The following AKT2 variants were observed in gnomAD, a reference collection of about 807,000 sequenced individuals.
The protein encoded by AKT2 is AKT serine/threonine kinase 2, also known as RAC-beta serine/threonine-protein kinase.
A neutral mutation model predicts 58.6 loss-of-function variants in AKT2; 16 were observed. That is an observed-to-expected ratio of 0.27 (90% CI 0.18 to 0.41). The LOEUF (loss-of-function observed/expected upper bound fraction) is 0.41, where lower values mean the gene tolerates loss of function less well. Among genes scored for constraint, AKT2 ranks in the 10% least tolerant of loss-of-function variants. The pLI is 1.00. For missense variants in AKT2, 438 were observed against 661.0 expected (o/e 0.66, Z 3.70); for synonymous variants, 253 against 254.0 (o/e 1.00, Z 0.04).
Position 40,238,122 on chromosome 19 carries a change from C to T in AKT2, c.709-31G>A. The T allele has an allele frequency of 3.2e-6, 5 of 1,570,474 alleles. No individual in the cohort carries two copies. Among genetic ancestry groups the T allele is most frequent in the Non-Finnish European group, 4.3e-6 (5 of 1,158,326 alleles). On this transcript the variant is annotated intron_variant, in intron 8 of 13. Transcript: ENST00000392038. This position sits in a 1 kb window ranked among gnomAD's most constrained non-coding sequence, Gnocchi z 5.1. ...GGAGGAAGGGGTGGGGAGAGGAGGT[C>T]AGGCCCCAGCCCACCCACCTGCCCT...
At chr19:40,262,439 C>T (rs1976032026) in intron 2 of AKT2, among the ~76,000 whole-genome samples, 1 of 152,202 alleles carries the variant, frequency 6.6e-6, no homozygotes, top group African/African-American at 2.4e-5. Context: ...TCTAAACCGG[C>T]AGATGGAGCC....
At chr19:40,245,367 C>T (rs1275585407) in intron 4 of AKT2, among the ~76,000 whole-genome samples, 4 of 152,242 alleles carry the variant, frequency 2.6e-5, no homozygotes, top group South Asian at 2.1e-4. Context: ...AAGAAGACCA[C>T]GCCTTTATAA....
chr19:40,260,626 CT>C (rs1568554936), intron 2 of AKT2, among the ~76,000 whole-genome samples: 1 of 37,480 alleles, frequency 2.7e-5, no homozygotes, highest in South Asian at 1.1e-3. Flanking sequence ...GAGATTCCAT[CT>C]CAAAAAAAAA....
At chr19:40,263,333 C>T (rs760482663) in intron 2 of AKT2, among the ~76,000 whole-genome samples, 5 of 152,232 alleles carry the variant, frequency 3.3e-5, no homozygotes, top group African/African-American at 4.8e-5. Context: ...CAACCATTTA[C>T]TGAGTGCCTA....
At chr19:40,255,941 G>A (rs1310866360) in intron 3 of AKT2, among the ~76,000 whole-genome samples, 1 of 152,146 alleles carries the variant, frequency 6.6e-6, no homozygotes, top group Non-Finnish European at 1.5e-5. Context: ...GGGAGGATGG[G>A]GCCACACCAG....
chr19:40,235,508 C>T lies in AKT2; in HGVS notation c.1176-158G>A, dbSNP rs763437298. 821 of 756,292 alleles carry T rather than the reference C, an allele frequency of 1.1e-3. 7 individuals carry two copies. Among genetic ancestry groups the T allele is most frequent in the Non-Finnish European group, 2.2e-4 (96 of 442,638 alleles). The allele number at this position is 756,292 out of a possible 1,614,324, so 46.8% of individuals were successfully genotyped here. On this transcript the variant is annotated intron_variant, in intron 11 of 13. Transcript: ENST00000392038. The surrounding 1 kb of genome is among the most constrained non-coding windows in gnomAD (Gnocchi z 6.3). The stretch of plus-strand genomic sequence containing the variant: ...AACCGAGGCTCAGGGAGGGAGCTCA[C>T]GTGCCCAGGGTCAGAGCCAGGGAGT...
Position 40,258,259 on chromosome 19 carries a change from A to C in AKT2, c.47-1205T>G, listed in dbSNP as rs983655891. On this transcript the variant is annotated intron_variant, in intron 2 of 13. Coordinates refer to ENST00000392038, the MANE Select transcript of AKT2 (RefSeq NM_001626.6). ...AACTCCGTCTCGAAAAAAAAAAAAA[A>C]AAAACAAAAAAAAAAACCTGAGTAT... 1.1e-3 allele frequency among the ~76,000 whole-genome samples: 159 copies of C among 151,246 alleles called. 1 individual carries two copies. Among genetic ancestry groups the C allele is most frequent in the Non-Finnish European group, 1.9e-3 (128 of 67,868 alleles).
At position 40,235,774 on chromosome 19, in the gene AKT2, G is replaced by T. The variant is rs1486212338; in HGVS notation, c.1175+116C>A. ...GTGGACGTTTTCAGGGGCTGTGTGG[G>T]GACGACACACTGCGACCCTACAAGC... On this transcript the variant is annotated intron_variant, in intron 11 of 13. Coordinates refer to ENST00000392038, the MANE Select transcript of AKT2 (RefSeq NM_001626.6). The surrounding 1 kb of genome is among the most constrained non-coding windows in gnomAD (Gnocchi z 6.3). The T allele has an allele frequency of 2.1e-5, 23 of 1,104,296 alleles. No homozygotes were observed. Among genetic ancestry groups the T allele is most frequent in the Non-Finnish European group, 2.8e-5 (22 of 785,534 alleles). 68.4% of individuals were successfully genotyped at this position (1,104,296 alleles called of 1,614,324 possible).
At chr19:40,275,641 G>A (rs1416284966) in intron 1 of AKT2, among the ~76,000 whole-genome samples, 1 of 151,904 alleles carries the variant, frequency 6.6e-6, no homozygotes, top group Non-Finnish European at 1.5e-5. Context: ...TTTGAATGAT[G>A]GCTAGTGCAA....
At chr19:40,262,286 C>A (rs1336954033) in intron 2 of AKT2, among the ~76,000 whole-genome samples, 1 of 151,670 alleles carries the variant, frequency 6.6e-6, no homozygotes, top group African/African-American at 2.4e-5. Flanking sequence ...GGAAAAATAT[C>A]CTCACAATTG....
rs73933226 is a variant in AKT2 at position 40,233,022 on chromosome 19, C to T, written c.*850G>A. The T allele has an allele frequency of 4.2e-4, 99 of 234,542 alleles. 1 individual carries two copies. Among genetic ancestry groups the T allele is most frequent in the African/African-American group, 2.0e-3 (91 of 45,450 alleles). The allele number at this position is 234,542 out of a possible 1,614,324, so 14.5% of individuals were successfully genotyped here. ...GCCAAGGCTGGTGGCCCTCCACCCCCGCAGAGGAGAGGGTGAGCCCAGCCC... is the reference window on the plus strand; with the variant it reads ...GCCAAGGCTGGTGGCCCTCCACCCCTGCAGAGGAGAGGGTGAGCCCAGCCC... On this transcript the variant is annotated 3_prime_UTR_variant, in exon 14 of 14. Coordinates refer to ENST00000392038, the MANE Select transcript of AKT2 (RefSeq NM_001626.6). The surrounding 1 kb of genome is among the most constrained non-coding windows in gnomAD (Gnocchi z 4.3).
In AKT2 at chr19:40,234,560, A is replaced by T; in HGVS notation, c.1366+485T>A. 1 of 352,126 alleles carries T rather than the reference A, an allele frequency of 2.8e-6. No individual in the cohort carries two copies. The highest frequency in any genetic ancestry group is 6.8e-5 in the South Asian group (1 of 14,802). 21.8% of individuals were successfully genotyped at this position (352,126 alleles called of 1,614,324 possible). A position where few individuals can be genotyped will look rare whatever the true frequency, so the allele number is the denominator to read the frequency against. On this transcript the variant is annotated intron_variant, in intron 13 of 13. Coordinates refer to ENST00000392038, the MANE Select transcript of AKT2 (RefSeq NM_001626.6). This position sits in a 1 kb window ranked among gnomAD's most constrained non-coding sequence, Gnocchi z 4.7. ...GACACGTTTGCTTCCTCCTCTAGAAAGCCCTCCCTAACTGCAGGCCAGGTC... is the reference window on the plus strand; with the variant it reads ...GACACGTTTGCTTCCTCCTCTAGAATGCCCTCCCTAACTGCAGGCCAGGTC...
rs1268739732 is a variant in AKT2 at position 40,242,019 on chromosome 19, G to A, written c.492C>T (p.Gly164=). 1 of 1,614,242 alleles carries A rather than the reference G, an allele frequency of 6.2e-7. No homozygotes were observed. The highest frequency in any genetic ancestry group is 1.7e-5 in the Admixed American group (1 of 60,030). The change falls in exon 6 of 14, where the codon GGC becomes GGT. Residue 164 remains glycine, a synonymous_variant. Transcript: ENST00000392038. This position sits in a 1 kb window ranked among gnomAD's most constrained non-coding sequence, Gnocchi z 4.3. ...CCTTCTCCCGCACCAGGATGACTTT[G>A]CCAAAGGTTCCCTTGCCAAGGAGTT... The part of the protein sequence containing the change: ...YLKLLGKGTF[G]KVILVREKAT...
At chr19:40,282,074 C>T (rs1217957473) in intron 1 of AKT2, 1 of 187,318 alleles carries the variant, frequency 5.3e-6, no homozygotes, top group Non-Finnish European at 1.1e-5. Context: ...AGGCTGGAAA[C>T]CAGAACATTG....
chr19:40,236,558 C>T (rs1317995818), intron 9 of AKT2, 173 bp from the exon 10 acceptor site: 1 of 826,026 alleles, frequency 1.2e-6, no homozygotes, highest in African/African-American at 1.7e-5. Context: ...CCAGATCCAA[C>T]CCTCCTCACC....
intron 4 of AKT2, chr19:40,243,140 CAAA>C (rs879932270): frequency 1.6e-4 from 19 of 116,176 alleles, no homozygotes; most frequent in South Asian, 4.9e-4. Flanking sequence ...GACTCCGTCT[CAAA>C]AAAAAAAAAA....
chr19:40,240,201 A>G, intron 6 of AKT2, 91 bp from the exon 7 acceptor site: 1 of 1,297,658 alleles, frequency 7.7e-7, no homozygotes, highest in Non-Finnish European at 1.1e-6. Flanking sequence ...TGTGAAATGC[A>G]ATTCCATTCC....
Position 40,256,894 on chromosome 19 carries a change from C to G in AKT2, c.175+32G>C, listed in dbSNP as rs376121500. On this transcript the variant is annotated intron_variant, in intron 3 of 13. Transcript: ENST00000392038. ...GACGTGCCAGCCATCCTGTGAGCACCAGAACACTGACCCACTCATCCCAAG... is the reference window on the plus strand; with the variant it reads ...GACGTGCCAGCCATCCTGTGAGCACGAGAACACTGACCCACTCATCCCAAG... The G allele has an allele frequency of 1.7e-5, 27 of 1,613,518 alleles. No individual in the cohort carries two copies. In the African/African-American group the frequency reaches 3.2e-4, roughly 19 times the overall value.
At chr19:40,254,459 C>T (rs113950378) in intron 4 of AKT2, among the ~76,000 whole-genome samples, 3,593 of 143,894 alleles carry the variant, frequency 0.025, 140 homozygotes, top group African/African-American at 0.084. Context: ...ACCCGGGAGG[C>T]GGAGGTTGCA....
Sources: allele counts gnomAD v4.1 joint callset (sites outside exome capture counted in the v4.1 genomes callset), GRCh38; gene constraint gnomAD v4.1.1; non-coding constraint Gnocchi (gnomAD v3.1); transcripts MANE v1.5; gene names NCBI Gene and HGNC (gene_info 2026-07-23, HGNC 2026-07-21).